PLXNA4: variants seen among roughly 807,000 people sequenced by gnomAD.
PLXNA4 encodes plexin-A4.
In PLXNA4, 44 loss-of-function variants were observed where a neutral mutation model predicts 191.8. The ratio of observed to expected loss-of-function variants is 0.23; its 90% CI spans 0.18 to 0.29. The LOEUF is 0.29. PLXNA4 is among the 10% of genes least tolerant of loss of function. The pLI is 1.00. For missense variants in PLXNA4, 1,800 were observed against 2,488.8 expected (o/e 0.72, Z 5.89); for synonymous variants, 1,082 against 1,009.5 (o/e 1.07, Z -1.36).
chr7:132,494,791 C>T (rs574784558), intron 2 of PLXNA4, among the ~76,000 whole-genome samples: 6 of 152,308 alleles, frequency 3.9e-5, no homozygotes, highest in African/African-American at 1.4e-4. Context: ...CTCTGAAAAG[C>T]TCTATCATCT....
At chr7:132,536,078 G>A (rs543357279) in intron 1 of PLXNA4, among the ~76,000 whole-genome samples, 3 of 152,302 alleles carry the variant, frequency 2.0e-5, no homozygotes, top group South Asian at 2.1e-4. Context: ...GACCTTGGAC[G>A]AGTTACTCTC....
chr7:132,180,807 C>A, intron 18 of PLXNA4, 75 bp from the exon 19 acceptor site: 1 of 1,563,452 alleles, frequency 6.4e-7, no homozygotes, highest in Non-Finnish European at 8.7e-7. Flanking sequence ...CATGTCCTCC[C>A]ACCTGGAGGT....
intron 3 of PLXNA4, among the ~76,000 whole-genome samples, chr7:132,369,625 C>T (rs1216671009): frequency 1.3e-5 from 2 of 152,138 alleles, no homozygotes; most frequent in Non-Finnish European, 2.9e-5. Context: ...CAGTAGCCAT[C>T]ACCGAAAAGC....
intron 29 of PLXNA4, among the ~76,000 whole-genome samples, chr7:132,142,112 A>G (rs1795288062): frequency 1.3e-5 from 2 of 152,222 alleles, no homozygotes; most frequent in African/African-American, 4.8e-5. Context: ...TAACAAAGAC[A>G]AAGAGGGAAA....
rs555800856 is a variant in PLXNA4 at position 132,198,490 on chromosome 7, T to C, written c.2733A>G (p.Ala911=). Residue 911 remains alanine (A), a synonymous_variant, in exon 13 of 32, where the codon GCA becomes GCG. Transcript: ENST00000321063. ...CSPLVDGYIP[A]EQIVCEMGEA... is the part of the protein sequence containing the mutation. ...TTGCATGCAGCTTCACTTACTGTTC[T>C]GCAGGGATGTAACCATCCACTAAAG... 1.9e-6 allele frequency: 3 copies of C among 1,614,070 alleles called. No homozygotes were observed. In the South Asian group the frequency reaches 3.3e-5, roughly 18 times the overall value.
At chr7:132,504,928 A>C (rs1201060914) in intron 2 of PLXNA4, among the ~76,000 whole-genome samples, 1 of 152,226 alleles carries the variant, frequency 6.6e-6, no homozygotes, top group Non-Finnish European at 1.5e-5. Context: ...CGCACGAAAC[A>C]CGTGTGGTCT....
At chr7:132,626,541 G>C (rs1162486327) in intron 2 of PLXNA4, among the ~76,000 whole-genome samples, 2 of 152,000 alleles carry the variant, frequency 1.3e-5, no homozygotes, top group Non-Finnish European at 2.9e-5. Flanking sequence ...CGTGAGAGCT[G>C]GTCATTTAAA....
chr7:132,350,450 G>A (rs916548022), intron 3 of PLXNA4, among the ~76,000 whole-genome samples: 2 of 152,174 alleles, frequency 1.3e-5, no homozygotes, highest in African/African-American at 2.4e-5. Flanking sequence ...ACTGCATTGA[G>A]CCAAGATTGT....
At chr7:132,488,942 C>T (rs1021025726) in intron 3 of PLXNA4, among the ~76,000 whole-genome samples, 14 of 152,340 alleles carry the variant, frequency 9.2e-5, no homozygotes, top group Admixed American at 8.5e-4. Flanking sequence ...TCCCCCTGCC[C>T]ACCTTCCCCA....
At chr7:132,385,738 A>C (rs1805106562) in intron 3 of PLXNA4, among the ~76,000 whole-genome samples, 1 of 152,252 alleles carries the variant, frequency 6.6e-6, no homozygotes, top group Non-Finnish European at 1.5e-5. Context: ...GTGCGCATGC[A>C]CACATGGATG....
At chr7:132,408,461 T>C (rs1259377231) in intron 3 of PLXNA4, among the ~76,000 whole-genome samples, 1 of 151,806 alleles carries the variant, frequency 6.6e-6, no homozygotes, top group Non-Finnish European at 1.5e-5. Context: ...TATTTATTTA[T>C]TTATTTATTT....
intron 8 of PLXNA4, among the ~76,000 whole-genome samples, chr7:132,225,267 T>C (rs933850501): frequency 6.6e-6 from 1 of 152,234 alleles, no homozygotes; most frequent in Non-Finnish European, 1.5e-5. Flanking sequence ...GACATGGCTG[T>C]AAATGCTTCT....
chr7:132,621,357 T>A (rs1803262969), intron 2 of PLXNA4, among the ~76,000 whole-genome samples: 1 of 150,912 alleles, frequency 6.6e-6, no homozygotes, highest in Non-Finnish European at 1.5e-5. Flanking sequence ...GCCTCCTTGG[T>A]TCAAGCGATT....
chr7:132,399,822 A>AT (rs769785670), intron 3 of PLXNA4, among the ~76,000 whole-genome samples: 12 of 152,140 alleles, frequency 7.9e-5, no homozygotes, highest in African/African-American at 2.2e-4. Context: ...TTGGAGTGTG[A>AT]TTTTTTTAAG....
At chr7:132,536,844 CA>C (rs1554463807) in intron 1 of PLXNA4, among the ~76,000 whole-genome samples, 3 of 152,240 alleles carry the variant, frequency 2.0e-5, no homozygotes, top group Non-Finnish European at 4.4e-5. Context: ...GAAGTTAGGG[CA>C]GAAAGAGACA....
At position 132,194,051 on chromosome 7, in the gene PLXNA4, C is replaced by T; in HGVS notation, c.2856+11G>A. 6.2e-7 allele frequency: 1 copy of T among 1,611,914 alleles called. No individual in the cohort carries two copies. The highest frequency in any genetic ancestry group is 8.5e-7 in the Non-Finnish European group (1 of 1,178,560). ...CTGCACCCAGCCAGATCACTGCTGG[C>T]CAAGACTCACCATGAAGTAATAGAG... On this transcript the variant is annotated intron_variant, in intron 14 of 31. Coordinates refer to ENST00000321063, the MANE Select transcript of PLXNA4 (RefSeq NM_020911.2).
chr7:132,508,888 T>C lies in PLXNA4; in HGVS notation c.-86-109A>G. ...ATGTTCTGCACACACTGAGCAGAACTGCACTGGGGGGTGCTGGAGGCTGAC... is the reference window on the plus strand; with the variant it reads ...ATGTTCTGCACACACTGAGCAGAACCGCACTGGGGGGTGCTGGAGGCTGAC... On this transcript the variant is annotated intron_variant, in intron 1 of 31. Coordinates refer to ENST00000321063, the MANE Select transcript of PLXNA4 (RefSeq NM_020911.2). This position sits in a 1 kb window ranked among gnomAD's most constrained non-coding sequence, Gnocchi z 4.4. 1 of 1,120,950 alleles carries C rather than the reference T, an allele frequency of 8.9e-7. No homozygotes were observed. Among genetic ancestry groups the C allele is most frequent in the Non-Finnish European group, 1.2e-6 (1 of 832,574 alleles). 69.4% of individuals were successfully genotyped at this position (1,120,950 alleles called of 1,614,324 possible).
At position 132,127,778 on chromosome 7, in the gene PLXNA4, GT is replaced by G. The variant is rs1794810203; in HGVS notation, c.*2700del. The G allele has an allele frequency of 6.6e-6, 1 of 151,206 alleles. No individual in the cohort carries two copies. Among genetic ancestry groups the G allele is most frequent in the African/African-American group, 2.5e-5 (1 of 40,578 alleles). 9.4% of individuals were successfully genotyped at this position (151,206 alleles called of 1,614,324 possible). A position where few individuals can be genotyped will look rare whatever the true frequency, so the allele number is the denominator to read the frequency against. ...ATGGGGACAGCCAGAAAATTTGTCT[GT>G]CCTTGTCTCCTCTTTCTTCCTAACC... is the stretch of plus-strand genomic sequence containing the variant. On this transcript the variant is annotated 3_prime_UTR_variant, in exon 32 of 32. Coordinates refer to ENST00000321063, the MANE Select transcript of PLXNA4 (RefSeq NM_020911.2).
At chr7:132,452,453 C>T (rs1796157394) in intron 3 of PLXNA4, among the ~76,000 whole-genome samples, 1 of 152,150 alleles carries the variant, frequency 6.6e-6, no homozygotes, top group Admixed American at 6.5e-5. Flanking sequence ...GTGTCCAACA[C>T]AAGGAAAGCG....
Sources: gnomAD v4.1 joint callset for allele counts (sites outside exome capture counted in the v4.1 genomes callset) on GRCh38, gnomAD v4.1.1 for gene constraint, Gnocchi (gnomAD v3.1) non-coding constraint, MANE v1.5 for transcripts, NCBI Gene and HGNC (gene_info 2026-07-23, HGNC 2026-07-21) for gene names.